The following NOXRED1 variants were observed in gnomAD, a reference collection of about 807,000 sequenced individuals.
The protein encoded by NOXRED1 is NADP-dependent oxidoreductase domain-containing protein 1.
In NOXRED1, 20 loss-of-function variants were observed where a neutral mutation model predicts 30.4. The ratio of observed to expected loss-of-function variants is 0.66; its 90% confidence interval spans 0.46 to 0.96. NOXRED1 has a LOEUF of 0.96. Ranked by LOEUF, NOXRED1 falls within the 40% of genes least tolerant of loss-of-function variation. The pLI is 0.00. For synonymous variants in NOXRED1, 155 were observed against 168.0 expected (o/e 0.92, Z 0.60); for missense variants, 374 against 428.0 (o/e 0.87, Z 1.11).
intron 5 of NOXRED1, among the ~76,000 whole-genome samples, chr14:77,399,795 A>G (rs1894277049): frequency 6.6e-6 from 1 of 152,206 alleles, no homozygotes; most frequent in Admixed American, 6.5e-5. Context: ...GAAAGGACAC[A>G]AGAAATATTT....
Position 77,422,960 on chromosome 14 carries a change from C to A in NOXRED1, c.-71G>T. 7.5e-7 allele frequency: 1 copy of A among 1,329,544 alleles called. No individual in the cohort carries two copies. The allele number at this position is 1,329,544 out of a possible 1,614,324, so 82.4% of individuals were successfully genotyped here. On this transcript the variant is annotated 5_prime_UTR_variant, in exon 1 of 6. It removes the in-frame stop codon of an upstream open reading frame in the 5' UTR. Coordinates refer to ENST00000380835, the MANE Select transcript of NOXRED1 (RefSeq NM_001113475.3). ...CTCCCTGTCCCGGTAGAAGAGGGGT[C>A]TATGTAGGAGGTGTGTGTATGATGG...
chr14:77,410,243 G>A (rs917046427), intron 2 of NOXRED1, among the ~76,000 whole-genome samples: 3 of 152,016 alleles, frequency 2.0e-5, no homozygotes, highest in South Asian at 2.1e-4. Context: ...GACTAGCCTC[G>A]GCATTAGAGT....
At chr14:77,417,489 C>T (rs1894862670) in intron 1 of NOXRED1, among the ~76,000 whole-genome samples, 1 of 152,238 alleles carries the variant, frequency 6.6e-6, no homozygotes, top group South Asian at 2.1e-4. Flanking sequence ...ATTGTTGTGT[C>T]TTCCTGGTGA....
At chr14:77,425,238 C>T (rs548671425), upstream of NOXRED1, among the ~76,000 whole-genome samples, 16 of 152,256 alleles carry the variant, frequency 1.1e-4, no homozygotes, top group African/African-American at 3.1e-4. Context: ...AAGACAACTA[C>T]GTTAAACACA....
At chr14:77,418,414 C>T (rs572199072) in intron 1 of NOXRED1, among the ~76,000 whole-genome samples, 6 of 151,742 alleles carry the variant, frequency 4.0e-5, no homozygotes, top group East Asian at 1.9e-4. Context: ...GGATTACAGG[C>T]GTAAGCCACC....
intron 5 of NOXRED1, among the ~76,000 whole-genome samples, chr14:77,399,703 A>G (rs1894273860): frequency 1.3e-5 from 2 of 152,184 alleles, no homozygotes; most frequent in Admixed American, 1.3e-4. Flanking sequence ...ACAAAGACGA[A>G]AAATACAGAA....
chr14:77,403,310 T>C (rs968214798), intron 5 of NOXRED1, among the ~76,000 whole-genome samples: 1 of 152,116 alleles, frequency 6.6e-6, no homozygotes, highest in Non-Finnish European at 1.5e-5. Context: ...TAGTATTAAG[T>C]AAAAAAGAAT....
chr14:77,414,592 C>T (rs1223945692), intron 1 of NOXRED1, among the ~76,000 whole-genome samples: 2 of 152,162 alleles, frequency 1.3e-5, no homozygotes, highest in Non-Finnish European at 2.9e-5. Context: ...ATTTATCCAG[C>T]CTCACTAGGG....
At chr14:77,413,640 G>A (rs553402521) in intron 2 of NOXRED1, among the ~76,000 whole-genome samples, 1 of 152,098 alleles carries the variant, frequency 6.6e-6, no homozygotes, top group Non-Finnish European at 1.5e-5. Context: ...AACTGATTCA[G>A]TTAGAAGATC....
intron 5 of NOXRED1, among the ~76,000 whole-genome samples, chr14:77,397,705 G>A (rs544779036): frequency 7.9e-5 from 12 of 152,112 alleles, no homozygotes; most frequent in African/African-American, 2.2e-4. Context: ...TGGCCAACAT[G>A]GTGAAACCCT....
intron 1 of NOXRED1, among the ~76,000 whole-genome samples, chr14:77,421,609 A>G (rs1271884025): frequency 6.6e-6 from 1 of 152,238 alleles, no homozygotes; most frequent in Non-Finnish European, 1.5e-5. Flanking sequence ...AACAAAAAAG[A>G]ACAGAACTGA....
intron 1 of NOXRED1, among the ~76,000 whole-genome samples, chr14:77,415,005 G>A (rs1290797553): frequency 6.6e-6 from 1 of 151,510 alleles, no homozygotes; most frequent in African/African-American, 2.4e-5. Context: ...GTAAGACCTC[G>A]TCTCTACAAA....
At chr14:77,405,394 CAAAATAAAAT>C (rs771075112) in intron 5 of NOXRED1, among the ~76,000 whole-genome samples, 6 of 151,686 alleles carry the variant, frequency 4.0e-5, no homozygotes, top group Non-Finnish European at 5.9e-5. Flanking sequence ...GACTGTCTCA[CAAAATAAAAT>C]AAAATAAAAT....
At chr14:77,395,051 G>T (rs1390252623) in intron 5 of NOXRED1, among the ~76,000 whole-genome samples, 2 of 151,302 alleles carry the variant, frequency 1.3e-5, no homozygotes, top group Admixed American at 1.3e-4. Context: ...CATTGTTAAA[G>T]AATTATTATA....
chr14:77,406,562 A>C, intron 4 of NOXRED1, 162 bp downstream of exon 4: 1 of 807,712 alleles, frequency 1.2e-6, no homozygotes. Context: ...GCTCTTCCTA[A>C]GTAGCTCTCC....
At chr14:77,410,679 C>T (rs1894626642) in intron 2 of NOXRED1, among the ~76,000 whole-genome samples, 1 of 151,516 alleles carries the variant, frequency 6.6e-6, no homozygotes, top group Non-Finnish European at 1.5e-5. Flanking sequence ...TACAGGCACA[C>T]CAACAGAAAA....
chr14:77,409,390 T>C (rs1894581217), intron 2 of NOXRED1, among the ~76,000 whole-genome samples: 1 of 152,146 alleles, frequency 6.6e-6, no homozygotes, highest in Non-Finnish European at 1.5e-5. Flanking sequence ...CCCTGTGTGC[T>C]CTCTCCTGCC....
At chr14:77,397,570 C>T (rs546484277) in intron 5 of NOXRED1, among the ~76,000 whole-genome samples, 6 of 151,938 alleles carry the variant, frequency 3.9e-5, no homozygotes, top group East Asian at 1.9e-4. Context: ...CATGTGACTC[C>T]GTATTTATCT....
intron 2 of NOXRED1, among the ~76,000 whole-genome samples, chr14:77,409,490 C>T (rs1341577013): frequency 6.6e-6 from 1 of 152,152 alleles, no homozygotes. Context: ...AACTGTGAGT[C>T]AATTAAACCT....
Sources: gnomAD v4.1 joint callset for allele counts (sites outside exome capture counted in the v4.1 genomes callset) on GRCh38, gnomAD v4.1.1 for gene constraint, MANE v1.5 for transcripts, NCBI Gene and HGNC (gene_info 2026-07-23, HGNC 2026-07-21) for gene names.